The following KCNMA1 variants were observed in gnomAD, a reference collection of about 807,000 sequenced individuals.
The protein encoded by KCNMA1 is Calcium-activated potassium channel subunit alpha-1.
KCNMA1 carries 29 observed loss-of-function variants against 140.0 expected under a neutral mutation model. The observed-to-expected ratio is 0.21, with a 90% CI of 0.15 to 0.28. KCNMA1 has a LOEUF of 0.28. Among genes scored for constraint, KCNMA1 ranks in the 10% least tolerant of loss-of-function variants. The pLI, the probability that KCNMA1 is intolerant of heterozygous loss-of-function variation, is 1.00. For missense variants in KCNMA1, 880 were observed against 1,602.2 expected (o/e 0.55, Z 7.70); for synonymous variants, 612 against 611.9 (o/e 1.00, Z 0.00).
At chr10:77,563,873 T>C (rs2067229015) in intron 1 of KCNMA1, among the ~76,000 whole-genome samples, 1 of 152,224 alleles carries the variant, frequency 6.6e-6, no homozygotes, top group Non-Finnish European at 1.5e-5. Context: ...CTGCCACTTA[T>C]GAACTGTGTG....
At chr10:77,083,243 T>G (rs1365527792) in intron 12 of KCNMA1, among the ~76,000 whole-genome samples, 1 of 152,148 alleles carries the variant, frequency 6.6e-6, no homozygotes, top group Non-Finnish European at 1.5e-5. Flanking sequence ...CTGCAATTTA[T>G]GCTACAGAAA....
At chr10:76,928,716 A>C (rs1365207345) in intron 23 of KCNMA1, among the ~76,000 whole-genome samples, 1 of 152,184 alleles carries the variant, frequency 6.6e-6, no homozygotes, top group Non-Finnish European at 1.5e-5. Flanking sequence ...CATGCAATCA[A>C]AGACAATAAC....
intron 1 of KCNMA1, among the ~76,000 whole-genome samples, chr10:77,406,585 C>T (rs559168402): frequency 6.6e-6 from 1 of 152,204 alleles, no homozygotes; most frequent in African/African-American, 2.4e-5. Context: ...GGCTTGGAAG[C>T]CTACTTTGGG....
At chr10:77,090,263 A>C in intron 10 of KCNMA1, 137 bp downstream of exon 10, 1 of 738,110 alleles carries the variant, frequency 1.4e-6, no homozygotes, top group Non-Finnish European at 2.5e-6. Context: ...ACGAGGCCAA[A>C]AGGGATCATG....
At chr10:77,463,933 C>A (rs1712203289) in intron 1 of KCNMA1, among the ~76,000 whole-genome samples, 1 of 152,152 alleles carries the variant, frequency 6.6e-6, no homozygotes, top group Non-Finnish European at 1.5e-5. Context: ...CTTTCTGGAG[C>A]CCCTTGCTAT....
At chr10:77,279,720 A>T (rs1025884522) in intron 2 of KCNMA1, among the ~76,000 whole-genome samples, 1 of 152,094 alleles carries the variant, frequency 6.6e-6, no homozygotes, top group Non-Finnish European at 1.5e-5. Context: ...CATGGGAGGA[A>T]CCCAATGGGA....
chr10:77,151,034 T>C (rs185614719), intron 5 of KCNMA1, among the ~76,000 whole-genome samples: 8 of 152,276 alleles, frequency 5.3e-5, no homozygotes, highest in Admixed American at 5.2e-4. Flanking sequence ...ACTTTAAAAA[T>C]AGCCAAAGTA....
intron 1 of KCNMA1, among the ~76,000 whole-genome samples, chr10:77,410,119 C>T (rs990146325): frequency 3.9e-5 from 6 of 152,180 alleles, no homozygotes; most frequent in African/African-American, 1.4e-4. Context: ...GGGCTCAACA[C>T]TCAGATTCCT....
rs370709269 is a variant in KCNMA1 at position 77,011,959 on chromosome 10, C to A, written c.2092+8G>T. 6.2e-7 allele frequency: 1 copy of A among 1,612,542 alleles called. No homozygotes were observed. Among genetic ancestry groups the A allele is most frequent in the Non-Finnish European group, 8.5e-7 (1 of 1,178,584 alleles). On this transcript the variant is annotated splice_region_variant and intron_variant, in intron 18 of 27. Transcript: ENST00000286628. Reference sequence around the variant, plus strand: ...AAGGGAGGGGACAGGGAGAGAAACACTACTTACGCCGTTTGCAGCCACATT... The same window carrying A: ...AAGGGAGGGGACAGGGAGAGAAACAATACTTACGCCGTTTGCAGCCACATT...
intron 2 of KCNMA1, among the ~76,000 whole-genome samples, chr10:77,270,532 T>C (rs957877471): frequency 2.7e-5 from 4 of 148,262 alleles, no homozygotes; most frequent in African/African-American, 1.0e-4. Flanking sequence ...CTCTCTTTCT[T>C]TTTTTTTTTT....
At chr10:77,591,041 C>T (rs2078988364) in intron 1 of KCNMA1, among the ~76,000 whole-genome samples, 1 of 152,124 alleles carries the variant, frequency 6.6e-6, no homozygotes, top group African/African-American at 2.4e-5. Flanking sequence ...TGCCAGCAGA[C>T]AGCGAGCAAG....
rs1271284144 is a variant in KCNMA1 at position 76,953,156 on chromosome 10, T to TATAC, written c.2484+644_2484+645insGTAT. Among the ~76,000 whole-genome samples the TATAC allele has an allele frequency of 2.0e-5, 3 of 152,332 alleles. No homozygotes were observed. In the East Asian group the frequency reaches 5.8e-4, roughly 29 times the overall value. On this transcript the variant is annotated intron_variant, in intron 21 of 27. Transcript: ENST00000286628. Reference sequence around the variant, plus strand: ...AGCCCCAGCCTCCCCAAGGGGACTGTAGTTCATTATTGTCATCATTATGTC... The same window carrying TATAC: ...AGCCCCAGCCTCCCCAAGGGGACTGTATACAGTTCATTATTGTCATCATTATGTC...
chr10:77,374,633 C>G (rs994075), intron 2 of KCNMA1, among the ~76,000 whole-genome samples: 6,123 of 152,314 alleles, frequency 0.04, 423 homozygotes, highest in African/African-American at 0.14. Context: ...ATGCCAGCCT[C>G]CCCTTCCAGT....
intron 3 of KCNMA1, among the ~76,000 whole-genome samples, chr10:77,222,944 T>C (rs1285864598): frequency 6.6e-6 from 1 of 152,152 alleles, no homozygotes; most frequent in African/African-American, 2.4e-5. Context: ...GAATTTTAAT[T>C]TGGGGCTGGG....
chr10:76,996,163 T>C (rs1480644000), intron 19 of KCNMA1, among the ~76,000 whole-genome samples: 2 of 152,216 alleles, frequency 1.3e-5, no homozygotes, highest in Non-Finnish European at 2.9e-5. Flanking sequence ...AAGAACCCAG[T>C]GTGTTGGGAG....
chr10:77,028,342 T>C (rs2093650931), intron 15 of KCNMA1, among the ~76,000 whole-genome samples: 1 of 152,156 alleles, frequency 6.6e-6, no homozygotes, highest in South Asian at 2.1e-4. Flanking sequence ...CTTGCAATGA[T>C]GGTAATAATA....
chr10:77,425,640 T>C (rs896573293), intron 1 of KCNMA1, among the ~76,000 whole-genome samples: 30 of 152,296 alleles, frequency 2.0e-4, no homozygotes, highest in African/African-American at 6.7e-4. Context: ...CCCAGCCTTG[T>C]CCAGGTGGCA....
intron 1 of KCNMA1, among the ~76,000 whole-genome samples, chr10:77,499,565 C>T (rs1451763070): frequency 6.6e-6 from 1 of 151,664 alleles, no homozygotes; most frequent in African/African-American, 2.4e-5. Context: ...AAAAATCAAG[C>T]TGATATCTGA....
rs528375067 is a variant in KCNMA1, at chr10:77,444,100, A to T, written c.379-40077T>A. On this transcript the variant is annotated intron_variant, in intron 1 of 27. Transcript: ENST00000286628. Reference sequence around the variant, plus strand: ...ACTTCCTGCATATGAAATAGAGATTACAAATCCTTTCTAAGTACACATGGG... The same window carrying T: ...ACTTCCTGCATATGAAATAGAGATTTCAAATCCTTTCTAAGTACACATGGG... 5.9e-5 allele frequency among the ~76,000 whole-genome samples: 9 copies of T among 152,342 alleles called. No homozygotes were observed. In the South Asian group the frequency reaches 1.9e-3, roughly 32 times the overall value.
Sources: gnomAD v4.1 joint callset for allele counts (sites outside exome capture counted in the v4.1 genomes callset) on GRCh38, gnomAD v4.1.1 for gene constraint, MANE v1.5 for transcripts, NCBI Gene and HGNC (gene_info 2026-07-23, HGNC 2026-07-21) for gene names.